MYLK4: variants seen among roughly 807,000 people sequenced by gnomAD.
MYLK4 encodes the protein caMLCK like.
Under a neutral mutation model 48.1 loss-of-function variants are expected in MYLK4, and 46 were observed. The ratio of observed to expected loss-of-function variants is 0.96; its 90% CI spans 0.75 to 1.22. The LOEUF is 1.22. MYLK4 is among the 50% of genes most tolerant of loss of function. MYLK4 has a pLI of 0.00. For missense variants in MYLK4, 451 were observed against 486.1 expected, an observed-to-expected ratio of 0.93 and a Z score of 0.68; for synonymous variants, 170 against 180.8, an observed-to-expected ratio of 0.94 and a Z score of 0.48.
chr6:2,767,325 G>A, the MYLK4 span, among the ~76,000 whole-genome samples: 1 of 152,242 alleles, frequency 6.6e-6, no homozygotes, highest in Non-Finnish European at 1.5e-5. Flanking sequence ...CCAGCATCAG[G>A]AAGGGAAAGG....
upstream of MYLK4, among the ~76,000 whole-genome samples, chr6:2,753,998 CA>C (rs199757208): frequency 0.2 from 21,506 of 105,006 alleles, 1,751 homozygotes; most frequent in East Asian, 0.36. Context: ...CCATCTCTAC[CA>C]AAAAAAAAAA....
chr6:2,751,196 C>A (rs886726701), upstream of MYLK4, among the ~76,000 whole-genome samples: 1 of 152,150 alleles, frequency 6.6e-6, no homozygotes, highest in African/African-American at 2.4e-5. Context: ...ACCTTCTGCC[C>A]CTTTCAGACT....
intron 2 of MYLK4, among the ~76,000 whole-genome samples, chr6:2,694,524 G>GTGGTGATGGTGGTGA (rs1554128055): frequency 6.2e-4 from 1 of 1,610 alleles, no homozygotes; most frequent in Non-Finnish European, 1.4e-3. Context: ...GGTGGTGGTG[G>GTGGTGATGGTGGTGA]TGGTGGTAGT....
At chr6:2,706,695 G>A (rs1427504951) in intron 2 of MYLK4, among the ~76,000 whole-genome samples, 2 of 152,158 alleles carry the variant, frequency 1.3e-5, no homozygotes, top group Non-Finnish European at 2.9e-5. Flanking sequence ...GAAATTCTTC[G>A]AGGAGGAGAG....
At chr6:2,762,919 G>C in the MYLK4 span, among the ~76,000 whole-genome samples, 3 of 152,152 alleles carry the variant, frequency 2.0e-5, no homozygotes, top group African/African-American at 4.8e-5. Context: ...TCCACAGTGA[G>C]TATTACCACT....
At chr6:2,763,435 G>C in the MYLK4 span, among the ~76,000 whole-genome samples, 1 of 152,210 alleles carries the variant, frequency 6.6e-6, no homozygotes, top group Admixed American at 6.5e-5. Flanking sequence ...CCCCAGTTGG[G>C]GGGAGGCTCA....
intron 4 of MYLK4, among the ~76,000 whole-genome samples, chr6:2,688,226 T>C (rs1207198988): frequency 1.3e-5 from 2 of 151,952 alleles, no homozygotes; most frequent in Non-Finnish European, 2.9e-5. Context: ...GCCCAGCTAA[T>C]TTTTGTATTT....
the MYLK4 span, chr6:2,765,705 C>T: frequency 1.3e-6 from 2 of 1,546,510 alleles, no homozygotes; most frequent in East Asian, 2.6e-5. Context: ...CAGATGATGC[C>T]CGCCGCGCAC....
chr6:2,727,815 C>T (rs558420706), intron 2 of MYLK4, among the ~76,000 whole-genome samples: 34 of 152,100 alleles, frequency 2.2e-4, no homozygotes, highest in African/African-American at 8.0e-4. Flanking sequence ...GGTGTGGTGG[C>T]GCATGCCTGT....
chr6:2,725,597 A>AAAG, intron 2 of MYLK4, among the ~76,000 whole-genome samples: 1 of 145,238 alleles, frequency 6.9e-6, no homozygotes, highest in Admixed American at 6.8e-5. Flanking sequence ...GAAAGAAAGA[A>AAAG]AGAAAGAAAC....
chr6:2,690,372 C>T (rs573637860), intron 3 of MYLK4, among the ~76,000 whole-genome samples: 1 of 152,292 alleles, frequency 6.6e-6, no homozygotes, highest in Non-Finnish European at 1.5e-5. Context: ...GTCAGCATTC[C>T]AGAAAATGGA....
At chr6:2,739,848 C>G (rs1166495026) in intron 2 of MYLK4, among the ~76,000 whole-genome samples, 2 of 152,212 alleles carry the variant, frequency 1.3e-5, no homozygotes, top group Non-Finnish European at 2.9e-5. Context: ...AACTTTCACA[C>G]ATGCATGGTA....
intron 3 of MYLK4, among the ~76,000 whole-genome samples, chr6:2,689,655 C>T (rs1460401013): frequency 6.6e-6 from 1 of 152,246 alleles, no homozygotes; most frequent in Non-Finnish European, 1.5e-5. Context: ...TCCCAGTATT[C>T]TTTCACCTTT....
At chr6:2,747,860 T>C (rs375449564) in intron 2 of MYLK4, among the ~76,000 whole-genome samples, 3 of 152,350 alleles carry the variant, frequency 2.0e-5, no homozygotes, top group African/African-American at 7.2e-5. Context: ...CTGAAAACCC[T>C]AATGAGAAAG....
intron 2 of MYLK4, among the ~76,000 whole-genome samples, chr6:2,695,763 A>C (rs1290442992): frequency 6.6e-6 from 1 of 152,222 alleles, no homozygotes; most frequent in Non-Finnish European, 1.5e-5. Flanking sequence ...ACTGCAACCA[A>C]AAATATGAAA....
the MYLK4 span, among the ~76,000 whole-genome samples, chr6:2,769,498 T>TA: frequency 1.3e-5 from 2 of 152,172 alleles, no homozygotes; most frequent in African/African-American, 4.8e-5. Flanking sequence ...GGCATAACTT[T>TA]AAAAAATTTT....
At chr6:2,694,370 G>T (rs542067922) in intron 2 of MYLK4, among the ~76,000 whole-genome samples, 10 of 150,586 alleles carry the variant, frequency 6.6e-5, no homozygotes, top group African/African-American at 2.5e-4. Flanking sequence ...CTTTTTTCCT[G>T]TCAATTTCCC....
chr6:2,712,016 C>G (rs1052861327), intron 2 of MYLK4, among the ~76,000 whole-genome samples: 1 of 152,088 alleles, frequency 6.6e-6, no homozygotes, highest in Non-Finnish European at 1.5e-5. Flanking sequence ...ATATTCAGAG[C>G]TGGCCATTTG....
At chr6:2,717,513 G>A (rs1762911452) in intron 2 of MYLK4, among the ~76,000 whole-genome samples, 1 of 152,186 alleles carries the variant, frequency 6.6e-6, no homozygotes, top group Admixed American at 6.5e-5. Context: ...AGTGGGGCTG[G>A]TCCTGAAGGT....
Sources: allele counts gnomAD v4.1 joint callset (sites outside exome capture counted in the v4.1 genomes callset), GRCh38; gene constraint gnomAD v4.1.1; transcripts MANE v1.5; gene names NCBI Gene and HGNC (gene_info 2026-07-23, HGNC 2026-07-21).